Variants in SEPTIN9 observed in about 807,000 individuals in gnomAD.
SEPTIN9 encodes the protein septin-9.
In SEPTIN9, 13 loss-of-function variants were observed where a neutral mutation model predicts 56.6. The ratio of observed to expected loss-of-function variants is 0.23; its 90% CI spans 0.15 to 0.37. The LOEUF (loss-of-function observed/expected upper bound fraction) is 0.37, where lower values mean the gene tolerates loss of function less well. Among genes scored for constraint, SEPTIN9 ranks in the 10% least tolerant of loss-of-function variants. The pLI is 1.00. For synonymous variants in SEPTIN9, 332 were observed against 334.1 expected (o/e 0.99, Z 0.07); for missense variants, 650 against 823.1 (o/e 0.79, Z 2.57).
At chr17:77,297,917 G>T (rs2031886527) in intron 1 of SEPTIN9, among the ~76,000 whole-genome samples, 1 of 152,222 alleles carries the variant, frequency 6.6e-6, no homozygotes, top group South Asian at 2.1e-4. Flanking sequence ...GCTGAGTTGA[G>T]ATTGGGAAGA....
intron 3 of SEPTIN9, among the ~76,000 whole-genome samples, chr17:77,470,578 C>A (rs1343624205): frequency 6.6e-6 from 1 of 152,208 alleles, no homozygotes; most frequent in Non-Finnish European, 1.5e-5. Flanking sequence ...ATCCACCCAT[C>A]CATCCAGTCA....
In SEPTIN9 at chr17:77,484,487, GTGA is replaced by G. The variant is rs568963333; in HGVS notation, c.913+2158_913+2160del. 7.8e-3 allele frequency among the ~76,000 whole-genome samples: 1,090 copies of G among 139,242 alleles called. 37 individuals are homozygous for G. The highest frequency in any genetic ancestry group is 0.029 in the African/African-American group (1,018 of 34,524). The allele number at this position is 139,242 out of a possible 152,430, so 91.3% of individuals were successfully genotyped here. On this transcript the variant is annotated intron_variant, in intron 4 of 11. Coordinates refer to ENST00000427177, the MANE Select transcript of SEPTIN9 (RefSeq NM_001113491.2). ...TGTGGTGGTGGTGGTGATGATGGTG[GTGA>G]TGATGGTGATTGTGGTGATGGTGAT...
intron 2 of SEPTIN9, among the ~76,000 whole-genome samples, chr17:77,351,216 G>A (rs918279492): frequency 7.0e-6 from 1 of 143,828 alleles, no homozygotes; most frequent in African/African-American, 2.6e-5. Flanking sequence ...AGGCACATGT[G>A]CGCGTGCACA....
intron 2 of SEPTIN9, among the ~76,000 whole-genome samples, chr17:77,396,731 A>G (rs116916881): frequency 0.023 from 3,468 of 152,222 alleles, 55 homozygotes; most frequent in South Asian, 0.045. Context: ...ACAACTCACA[A>G]TGTCCTCCGT....
intron 3 of SEPTIN9, among the ~76,000 whole-genome samples, chr17:77,452,261 G>C (rs1266861165): frequency 6.6e-6 from 1 of 152,252 alleles, no homozygotes; most frequent in Non-Finnish European, 1.5e-5. Flanking sequence ...CCTGCTTTCA[G>C]AGGGTCTTTT....
intron 2 of SEPTIN9, among the ~76,000 whole-genome samples, chr17:77,399,874 C>T (rs1476387086): frequency 6.6e-6 from 1 of 152,240 alleles, no homozygotes; most frequent in Non-Finnish European, 1.5e-5. Context: ...GGCTCAGTGT[C>T]CTGCTGCCCT....
chr17:77,425,604 C>T lies in SEPTIN9; in HGVS notation c.721+22901C>T, dbSNP rs2036877577. Among the ~76,000 whole-genome samples the T allele has an allele frequency of 1.3e-5, 2 of 152,200 alleles. No individual in the cohort carries two copies. Among genetic ancestry groups the T allele is most frequent in the Non-Finnish European group, 2.9e-5 (2 of 68,044 alleles). On this transcript the variant is annotated intron_variant, in intron 3 of 11. Transcript: ENST00000427177. This position sits in a 1 kb window ranked among gnomAD's most constrained non-coding sequence, Gnocchi z 4.2. Reference sequence around the variant, plus strand: ...AGCCTCCAAGTGGGGTTGCATTCACCACTCAGGACCTGGAGCCTCAGCCAG... The same window carrying T: ...AGCCTCCAAGTGGGGTTGCATTCACTACTCAGGACCTGGAGCCTCAGCCAG...
intron 4 of SEPTIN9, chr17:77,483,792 C>A (rs775555222): frequency 1.3e-5 from 2 of 152,276 alleles, no homozygotes; most frequent in East Asian, 3.8e-4. Context: ...TGGGCCTCTT[C>A]GCCCTTTCAA....
At chr17:77,484,475 GTGA>G (rs1416572124) in intron 4 of SEPTIN9, among the ~76,000 whole-genome samples, 27 of 146,790 alleles carry the variant, frequency 1.8e-4, no homozygotes, top group East Asian at 1.6e-3. Flanking sequence ...GGTGGTGGTG[GTGA>G]TGATGGTGGT....
At chr17:77,382,002 A>G (rs1264657539) in intron 2 of SEPTIN9, among the ~76,000 whole-genome samples, 1 of 151,738 alleles carries the variant, frequency 6.6e-6, no homozygotes, top group Non-Finnish European at 1.5e-5. Context: ...TTCTCTTGCC[A>G]TTTTCCTTTT....
chr17:77,324,369 G>A (rs2033054523), intron 2 of SEPTIN9, among the ~76,000 whole-genome samples: 1 of 152,204 alleles, frequency 6.6e-6, no homozygotes, highest in Non-Finnish European at 1.5e-5. Context: ...ATGGTTCCAT[G>A]TCCCAGACTC....
intron 11 of SEPTIN9, 30 bp downstream of exon 11, chr17:77,497,396 A>C (rs2143474098): frequency 6.2e-7 from 1 of 1,604,764 alleles, no homozygotes; most frequent in South Asian, 1.1e-5. Flanking sequence ...GGTGGGGCTG[A>C]CGGCTTCACC....
intron 4 of SEPTIN9, chr17:77,482,769 G>A (rs1273612812): frequency 3.5e-6 from 2 of 569,592 alleles, no homozygotes; most frequent in African/African-American, 3.7e-5. Flanking sequence ...CTCTGCCCTG[G>A]AATTGGGGCC....
In SEPTIN9 at chr17:77,412,718, C is replaced by A. The variant is rs375658763; in HGVS notation, c.721+10015C>A. ...TCCAGCCTGGGTGACAGAGTGAGAT[C>A]CTGTCTAAAAAAAAAAAAGAGTTAT... On this transcript the variant is annotated intron_variant, in intron 3 of 11. Coordinates refer to ENST00000427177, the MANE Select transcript of SEPTIN9 (RefSeq NM_001113491.2). 3.3e-4 allele frequency among the ~76,000 whole-genome samples: 50 copies of A among 151,628 alleles called. 1 individual carries two copies. In the East Asian group the frequency reaches 6.6e-3, roughly 20 times the overall value.
intron 10 of SEPTIN9, among the ~76,000 whole-genome samples, chr17:77,494,588 T>TG (rs2040173169): frequency 1.3e-5 from 2 of 152,288 alleles, no homozygotes; most frequent in East Asian, 1.9e-4. Flanking sequence ...TCTAAAAAAA[T>TG]GGTCATAATG....
chr17:77,350,318 C>G (rs377279165), intron 2 of SEPTIN9, among the ~76,000 whole-genome samples: 3 of 152,184 alleles, frequency 2.0e-5, no homozygotes, highest in African/African-American at 7.2e-5. Flanking sequence ...CAGAAAGGAG[C>G]CCCCAAAGGC....
chr17:77,466,410 GC>G (rs1368395325), intron 3 of SEPTIN9: 2 of 985,432 alleles, frequency 2.0e-6, no homozygotes, highest in Non-Finnish European at 2.4e-6. Flanking sequence ...GGCTGGAAGG[GC>G]CTGGGAGGGG....
chr17:77,459,150 G>A (rs2038348236), intron 3 of SEPTIN9, among the ~76,000 whole-genome samples: 1 of 152,202 alleles, frequency 6.6e-6, no homozygotes, highest in Admixed American at 6.5e-5. Flanking sequence ...GGCACCCCTT[G>A]GTCTGATTCC....
chr17:77,433,333 T>C lies in SEPTIN9; in HGVS notation c.721+30630T>C, dbSNP rs1305081356. On this transcript the variant is annotated intron_variant, in intron 3 of 11. Transcript: ENST00000427177. The surrounding 1 kb of genome is among the most constrained non-coding windows in gnomAD (Gnocchi z 6.4). Reference sequence around the variant, plus strand: ...GGCCATTGCCTGAGACCCGACCTGGTGGCTCCTGCCCCAAGGAGCAGAAAG... The same window carrying C: ...GGCCATTGCCTGAGACCCGACCTGGCGGCTCCTGCCCCAAGGAGCAGAAAG... 6.6e-6 allele frequency among the ~76,000 whole-genome samples: 1 copy of C among 151,920 alleles called. No individual in the cohort carries two copies. The highest frequency in any genetic ancestry group is 1.5e-5 in the Non-Finnish European group (1 of 67,958).
Sources: allele counts gnomAD v4.1 joint callset (sites outside exome capture counted in the v4.1 genomes callset), GRCh38; gene constraint gnomAD v4.1.1; non-coding constraint Gnocchi (gnomAD v3.1); transcripts MANE v1.5; gene names NCBI Gene and HGNC (gene_info 2026-07-23, HGNC 2026-07-21).